Variants in EPHA3 observed in about 807,000 individuals in gnomAD.
EPHA3 encodes ephrin type-A receptor 3.
In EPHA3, 42 loss-of-function variants were observed where a neutral mutation model predicts 107.1. That is an observed-to-expected ratio of 0.39 (90% CI 0.31 to 0.51). The LOEUF (loss-of-function observed/expected upper bound fraction) is 0.51. Ranked by LOEUF, EPHA3 falls within the 20% of genes least tolerant of loss-of-function variation. EPHA3 has a pLI of 0.78. For missense variants in EPHA3, 1,183 were observed against 1,211.2 expected (o/e 0.98, Z 0.35); for synonymous variants, 461 against 424.8 (o/e 1.09, Z -1.05).
intron 6 of EPHA3, 24 bp downstream of exon 6, chr3:89,395,985 T>A: frequency 6.2e-7 from 1 of 1,612,078 alleles, no homozygotes. Flanking sequence ...GTTTAAGGGT[T>A]GGGCTGTGTA....
At chr3:89,238,802 GC>G (rs1307497471) in intron 3 of EPHA3, among the ~76,000 whole-genome samples, 1 of 151,988 alleles carries the variant, frequency 6.6e-6, no homozygotes, top group Non-Finnish European at 1.5e-5. Context: ...TAAAACAATA[GC>G]AAATATTTAA....
intron 5 of EPHA3, among the ~76,000 whole-genome samples, chr3:89,388,103 C>G (rs78201947): frequency 0.015 from 2,323 of 152,240 alleles, 44 homozygotes; most frequent in African/African-American, 0.053. Flanking sequence ...AATTGAATAA[C>G]ATAAGTTTAT....
intron 3 of EPHA3, among the ~76,000 whole-genome samples, chr3:89,304,155 G>T (rs1015984035): frequency 6.6e-6 from 1 of 151,968 alleles, no homozygotes; most frequent in Non-Finnish European, 1.5e-5. Context: ...GGAACCAACT[G>T]TGGTTTTCCC....
In EPHA3 at chr3:89,217,703, A is replaced by C. The variant is rs533551050; in HGVS notation, c.814+7183A>C. Among the ~76,000 whole-genome samples the C allele has an allele frequency of 2.0e-5, 3 of 152,320 alleles. No homozygotes were observed. The South Asian group carries it at 6.2e-4, about 32-fold the overall frequency. ...GACCCTGAGTGTAAAATATTTCTGA[A>C]TTCTCTATTCAATGGTCAGTTGCAA... On this transcript the variant is annotated intron_variant, in intron 3 of 16. Transcript: ENST00000336596.
At position 89,354,280 on chromosome 3, in the gene EPHA3, A is replaced by G. The variant is rs150072261; in HGVS notation, c.1306+12190A>G. On this transcript the variant is annotated intron_variant, in intron 5 of 16. Coordinates refer to ENST00000336596, the MANE Select transcript of EPHA3 (RefSeq NM_005233.6). ...AGTAATTGAGAAATTTAATAAATGCAAGTATTTAGAAAGAAAGAAAATGTT... is the reference window on the plus strand; with the variant it reads ...AGTAATTGAGAAATTTAATAAATGCGAGTATTTAGAAAGAAAGAAAATGTT... 9.4e-4 allele frequency among the ~76,000 whole-genome samples: 142 copies of G among 151,368 alleles called. 2 individuals carry two copies. The East Asian group carries it at 0.024, about 26-fold the overall frequency.
intron 2 of EPHA3, among the ~76,000 whole-genome samples, chr3:89,188,914 C>G (rs1705638075): frequency 6.6e-6 from 1 of 152,114 alleles, no homozygotes; most frequent in Non-Finnish European, 1.5e-5. Context: ...ATTTGTTTAT[C>G]TAACAGCCTC....
chr3:89,413,376 AT>A, intron 10 of EPHA3, 110 bp downstream of exon 10: 1 of 1,375,192 alleles, frequency 7.3e-7, no homozygotes, highest in Non-Finnish European at 1.0e-6. Flanking sequence ...TGATTTCATG[AT>A]CAAAGGCAAG....
At chr3:89,423,369 G>T (rs1268573648) in intron 11 of EPHA3, among the ~76,000 whole-genome samples, 3 of 151,098 alleles carry the variant, frequency 2.0e-5, no homozygotes, top group Admixed American at 1.3e-4. Flanking sequence ...ACACATTTCT[G>T]GAATAAGAGG....
chr3:89,441,437 A>C (rs1576379926), intron 13 of EPHA3, among the ~76,000 whole-genome samples: 1 of 152,330 alleles, frequency 6.6e-6, no homozygotes, highest in African/African-American at 2.4e-5. Context: ...TTGGGAGCTT[A>C]CATTAGGATA....
chr3:89,205,781 A>C (rs556126402), intron 2 of EPHA3, among the ~76,000 whole-genome samples: 32 of 148,056 alleles, frequency 2.2e-4, no homozygotes, highest in Non-Finnish European at 4.3e-4. Flanking sequence ...ACCAAATTCT[A>C]TGTTACCATT....
chr3:89,322,388 T>C (rs1229662425), intron 3 of EPHA3, among the ~76,000 whole-genome samples: 8 of 152,014 alleles, frequency 5.3e-5, no homozygotes, highest in Non-Finnish European at 1.2e-4. Context: ...AGAGGAGACA[T>C]TGGTCAGTGT....
chr3:89,270,489 A>G (rs1017433680), intron 3 of EPHA3, among the ~76,000 whole-genome samples: 4 of 152,058 alleles, frequency 2.6e-5, no homozygotes, highest in African/African-American at 9.7e-5. Context: ...CTTCTGTCTT[A>G]TTTCCTTAAG....
At chr3:89,479,084 C>A in intron 16 of EPHA3, among the ~76,000 whole-genome samples, 1 of 152,186 alleles carries the variant, frequency 6.6e-6, no homozygotes, top group East Asian at 1.9e-4. Flanking sequence ...TTATGTACCA[C>A]CCTAATCCAG....
intron 3 of EPHA3, among the ~76,000 whole-genome samples, chr3:89,296,084 G>C (rs996258678): frequency 6.6e-6 from 1 of 152,126 alleles, no homozygotes; most frequent in African/African-American, 2.4e-5. Context: ...CACAACATAG[G>C]CAGTTAGTTC....
chr3:89,375,772 A>T (rs1004389349), intron 5 of EPHA3, among the ~76,000 whole-genome samples: 3 of 151,938 alleles, frequency 2.0e-5, no homozygotes, highest in African/African-American at 7.2e-5. Flanking sequence ...TATTGTACAG[A>T]CACAAACAAA....
chr3:89,436,907 AT>A (rs772209212), intron 13 of EPHA3, among the ~76,000 whole-genome samples: 13 of 151,944 alleles, frequency 8.6e-5, no homozygotes, highest in Non-Finnish European at 1.8e-4. Context: ...AAGGAATCAG[AT>A]TTTTTTCCCC....
intron 5 of EPHA3, among the ~76,000 whole-genome samples, chr3:89,349,435 C>A (rs1707751358): frequency 7.2e-6 from 1 of 139,576 alleles, no homozygotes; most frequent in African/African-American, 2.8e-5. Flanking sequence ...ACTAGGATTG[C>A]AACCCCTGCC....
rs1447032187 is a variant in EPHA3, at chr3:89,197,059, ATG to A, written c.154-12799_154-12798del. Among the ~76,000 whole-genome samples the A allele has an allele frequency of 2.1e-4, 32 of 152,288 alleles. 1 individual carries two copies. The highest frequency in any genetic ancestry group is 6.0e-4 in the African/African-American group (25 of 41,558). On this transcript the variant is annotated intron_variant, in intron 2 of 16. Transcript: ENST00000336596. ...ACCTTTTTATGACATGATTCAGATC[ATG>A]TCACTCCTCTATTCAAACCCTTTAC... is the stretch of plus-strand genomic sequence containing the variant.
chr3:89,113,392 A>G (rs1390452952), intron 1 of EPHA3, among the ~76,000 whole-genome samples: 1 of 144,446 alleles, frequency 6.9e-6, no homozygotes, highest in Non-Finnish European at 1.5e-5. Flanking sequence ...GCTGCTTGGT[A>G]TCAGGTAGTT....
Sources: allele counts gnomAD v4.1 joint callset (sites outside exome capture counted in the v4.1 genomes callset), GRCh38; gene constraint gnomAD v4.1.1; transcripts MANE v1.5; gene names NCBI Gene and HGNC (gene_info 2026-07-23, HGNC 2026-07-21).